PPP1R3A: variants seen among roughly 807,000 people sequenced by gnomAD.
PPP1R3A encodes the protein protein phosphatase 1 regulatory subunit 3A, also known as RG1.
Under a neutral mutation model 41.7 loss-of-function variants are expected in PPP1R3A, and 29 were observed. The ratio of observed to expected loss-of-function variants is 0.70; its 90% CI spans 0.52 to 0.95. PPP1R3A has a LOEUF of 0.95. Ranked by LOEUF, PPP1R3A falls within the 40% of genes least tolerant of loss-of-function variation. The probability of loss-of-function intolerance (pLI) is 0.00; values close to 1 mark genes in which losing one functional copy is unlikely to be tolerated. For missense variants in PPP1R3A, 1,352 were observed against 1,292.4 expected, an observed-to-expected ratio of 1.05 and a Z score of -0.71; for synonymous variants, 485 against 453.4, an observed-to-expected ratio of 1.07 and a Z score of -0.89.
intron 1 of PPP1R3A, among the ~76,000 whole-genome samples, chr7:113,904,188 G>A (rs1235411425): frequency 6.6e-6 from 1 of 151,668 alleles, no homozygotes; most frequent in Non-Finnish European, 1.5e-5. Context: ...AATAGGGACT[G>A]TAAATTCTTT....
At position 113,878,580 on chromosome 7, in the gene PPP1R3A, C is replaced by T; in HGVS notation, c.2512G>A (p.Gly838Ser). 6.2e-7 allele frequency: 1 copy of T among 1,613,576 alleles called. No individual in the cohort carries two copies. Among genetic ancestry groups the T allele is most frequent in the South Asian group, 1.1e-5 (1 of 91,082 alleles). ...PRKTHDREKC[G>S]TGNITSVEES... ...TCCACAGATGTTATATTTCCAGTGC[C>T]ACATTTCTCCCTGTCATGTGTCTTC... The change falls in exon 4 of 4, where the codon GGC becomes AGC. Residue 838 changes from glycine to serine, a missense_variant. Gly to Ser is a moderately conservative substitution (Grantham distance 56). Coordinates refer to ENST00000284601, the MANE Select transcript of PPP1R3A (RefSeq NM_002711.4).
At chr7:113,884,659 A>T (rs1195368308) in intron 1 of PPP1R3A, among the ~76,000 whole-genome samples, 1 of 152,092 alleles carries the variant, frequency 6.6e-6, no homozygotes, top group Non-Finnish European at 1.5e-5. Context: ...TATTTTCTTA[A>T]GAAAAAAGAA....
At chr7:113,888,200 C>A (rs1796819228) in intron 1 of PPP1R3A, among the ~76,000 whole-genome samples, 1 of 152,044 alleles carries the variant, frequency 6.6e-6, no homozygotes, top group South Asian at 2.1e-4. Flanking sequence ...TATTTAGGTA[C>A]TTTTTAACCA....
Position 113,878,609 on chromosome 7 carries a change from G to C in PPP1R3A, c.2483C>G (p.Pro828Arg). 6.2e-7 allele frequency: 1 copy of C among 1,613,380 alleles called. No homozygotes were observed. The change falls in exon 4 of 4, where the codon CCT (proline) becomes CGT (arginine). Residue 828 changes from proline (P) to arginine (R), a missense_variant. Physicochemically the swap from Pro to Arg is moderately radical, Grantham distance 103. Coordinates refer to ENST00000284601, the MANE Select transcript of PPP1R3A (RefSeq NM_002711.4). Reference sequence around the variant, plus strand: ...TTTCTCCCTGTCATGTGTCTTCCTAGGATTGTACATAGACATGGTTTCTTC... The same window carrying C: ...TTTCTCCCTGTCATGTGTCTTCCTACGATTGTACATAGACATGGTTTCTTC... ...EKEETMSMYN[P>R]RKTHDREKCG...
At chr7:113,881,591 G>T (rs1439052603) in intron 3 of PPP1R3A, among the ~76,000 whole-genome samples, 1 of 151,956 alleles carries the variant, frequency 6.6e-6, no homozygotes, top group Non-Finnish European at 1.5e-5. Flanking sequence ...TATAGAACTT[G>T]GAGATTCTCA....
intron 1 of PPP1R3A, among the ~76,000 whole-genome samples, chr7:113,916,311 T>A (rs1430382796): frequency 1.3e-5 from 2 of 152,128 alleles, no homozygotes; most frequent in Non-Finnish European, 2.9e-5. Context: ...ATATTAAAAC[T>A]TGAATGGTGT....
In PPP1R3A at chr7:113,878,845, T is replaced by C; in HGVS notation, c.2247A>G (p.Lys749=). ...STPESMSARE[K]AIIAKLPQET... is the part of the protein sequence containing the mutation. Reference sequence around the variant, plus strand: ...CTTGAGGTAGCTTAGCAATTATTGCTTTTTCTCTAGCAGACATGCTTTCTG... The same window carrying C: ...CTTGAGGTAGCTTAGCAATTATTGCCTTTTCTCTAGCAGACATGCTTTCTG... The change falls in exon 4 of 4, where the codon AAA becomes AAG. Residue 749 remains lysine, a synonymous_variant. Coordinates refer to ENST00000284601, the MANE Select transcript of PPP1R3A (RefSeq NM_002711.4). 1 of 1,613,272 alleles carries C rather than the reference T, an allele frequency of 6.2e-7. No individual in the cohort carries two copies. The highest frequency in any genetic ancestry group is 8.5e-7 in the Non-Finnish European group (1 of 1,179,772).
At chr7:113,888,304 C>T (rs1433098740) in intron 1 of PPP1R3A, among the ~76,000 whole-genome samples, 3 of 151,340 alleles carry the variant, frequency 2.0e-5, no homozygotes, top group South Asian at 2.1e-4. Flanking sequence ...AGAAACTGGA[C>T]GGGATGAGCC....
intron 1 of PPP1R3A, among the ~76,000 whole-genome samples, chr7:113,912,380 T>C (rs956056982): frequency 2.0e-5 from 3 of 152,136 alleles, no homozygotes; most frequent in African/African-American, 4.8e-5. Flanking sequence ...ATCTCACACA[T>C]GTGTGTGCAT....
Position 113,916,779 on chromosome 7 carries a change from T to C in PPP1R3A, c.782+1436A>G, listed in dbSNP as rs142771628. Among the ~76,000 whole-genome samples the C allele has an allele frequency of 2.4e-3, 364 of 152,182 alleles. 3 individuals are homozygous for C. The highest frequency in any genetic ancestry group is 0.017 in the Middle Eastern group (5 of 292). Reference sequence around the variant, plus strand: ...CTAAATAATGTTGAACTTATTTTGTTAGTGTAGCTAATGTGTTAGAGTAAT... The same window carrying C: ...CTAAATAATGTTGAACTTATTTTGTCAGTGTAGCTAATGTGTTAGAGTAAT... On this transcript the variant is annotated intron_variant, in intron 1 of 3. Coordinates refer to ENST00000284601, the MANE Select transcript of PPP1R3A (RefSeq NM_002711.4).
chr7:113,879,189 C>T lies in PPP1R3A; in HGVS notation c.1903G>A (p.Glu635Lys). 2 of 1,613,590 alleles carry T rather than the reference C, an allele frequency of 1.2e-6. No individual in the cohort carries two copies. Among genetic ancestry groups the T allele is most frequent in the Non-Finnish European group, 1.7e-6 (2 of 1,179,752 alleles). ...VLRNDYLFQV[E>K]EKSGGINSED... ...GAATTAATCCCACCTGATTTTTCTT[C>T]AACTTGGAAAAGATAATCATTCCTC... Residue 635 changes from glutamate to lysine, a missense_variant, in exon 4 of 4, where the codon GAA (glutamate) becomes AAA (lysine). Physicochemically the swap from Glu to Lys is moderately conservative, Grantham distance 56 (BLOSUM62 1). Transcript: ENST00000284601.
intron 1 of PPP1R3A, among the ~76,000 whole-genome samples, chr7:113,901,793 G>C (rs924072252): frequency 6.6e-6 from 1 of 151,632 alleles, no homozygotes. Context: ...TACTCATTCT[G>C]TGACCTCAAA....
At chr7:113,888,423 T>C (rs1277017901) in intron 1 of PPP1R3A, among the ~76,000 whole-genome samples, 13 of 151,710 alleles carry the variant, frequency 8.6e-5, no homozygotes, top group Admixed American at 8.5e-4. Flanking sequence ...CAAATATGAG[T>C]TTTAATTTTT....
chr7:113,898,407 T>A (rs1797009708), intron 1 of PPP1R3A, among the ~76,000 whole-genome samples: 1 of 151,676 alleles, frequency 6.6e-6, no homozygotes, highest in South Asian at 2.1e-4. Context: ...GTATGACTAT[T>A]GAGATGAAGA....
chr7:113,878,549 G>T lies in PPP1R3A; in HGVS notation c.2543C>A (p.Ser848Tyr). 2 of 1,613,524 alleles carry T rather than the reference G, an allele frequency of 1.2e-6. No homozygotes were observed. Among genetic ancestry groups the T allele is most frequent in the South Asian group, 1.1e-5 (1 of 91,076 alleles). Residue 848 changes from serine (S) to tyrosine (Y), a missense_variant, in exon 4 of 4, where the codon TCC becomes TAC. Ser to Tyr is a moderately radical substitution (Grantham distance 144). Coordinates refer to ENST00000284601, the MANE Select transcript of PPP1R3A (RefSeq NM_002711.4). ...GTGNITSVEE[S>Y]SWVITEYQKA... ...TTGATATTCTGTAATGACCCATGAG[G>T]ATTCTTCCACAGATGTTATATTTCC... is the stretch of plus-strand genomic sequence containing the variant.
At chr7:113,884,637 A>G (rs939127630) in intron 1 of PPP1R3A, among the ~76,000 whole-genome samples, 2 of 152,080 alleles carry the variant, frequency 1.3e-5, no homozygotes, top group Admixed American at 6.6e-5. Flanking sequence ...TTCTGGGCCT[A>G]AGAGTAGGAA....
intron 1 of PPP1R3A, among the ~76,000 whole-genome samples, chr7:113,882,641 T>C (rs1204529087): frequency 6.6e-6 from 1 of 151,998 alleles, no homozygotes; most frequent in Admixed American, 6.6e-5. Context: ...ATGTAGATTA[T>C]TCTATCTTCA....
chr7:113,882,017 C>T lies in PPP1R3A; in HGVS notation c.966+22G>A, dbSNP rs112939288. The T allele has an allele frequency of 3.8e-5, 61 of 1,611,296 alleles. 2 individuals are homozygous for T. In the African/African-American group the frequency reaches 5.3e-4, roughly 14 times the overall value. On this transcript the variant is annotated intron_variant, in intron 3 of 3. Transcript: ENST00000284601. ...AGAAATGGATTCATCTTCTCTAATACCGTGGCAACCAGAACACTTACCATC... is the reference window on the plus strand; with the variant it reads ...AGAAATGGATTCATCTTCTCTAATATCGTGGCAACCAGAACACTTACCATC...
At chr7:113,886,266 G>A (rs1426934266) in intron 1 of PPP1R3A, among the ~76,000 whole-genome samples, 1 of 152,056 alleles carries the variant, frequency 6.6e-6, no homozygotes, top group African/African-American at 2.4e-5. Flanking sequence ...ACAGTGTCAT[G>A]GGAAGAACCC....
Sources: allele counts gnomAD v4.1 joint callset (sites outside exome capture counted in the v4.1 genomes callset), GRCh38; gene constraint gnomAD v4.1.1; transcripts MANE v1.5; gene names NCBI Gene and HGNC (gene_info 2026-07-23, HGNC 2026-07-21).